The following MAX variants were observed in gnomAD, a reference collection of about 807,000 sequenced individuals.
MAX encodes the protein MYC associated transcriptional regulator X.
In MAX, 3 loss-of-function variants were observed where a neutral mutation model predicts 22.3. That is an observed-to-expected ratio of 0.13 (90% CI 0.06 to 0.35). MAX has a LOEUF of 0.35. MAX is among the 10% of genes least tolerant of loss of function. The probability of loss-of-function intolerance (pLI) is 1.00; values close to 1 mark genes in which losing one functional copy is unlikely to be tolerated. For missense variants in MAX, 119 were observed against 209.4 expected, an observed-to-expected ratio of 0.57 and a Z score of 2.66; for synonymous variants, 72 against 77.7, an observed-to-expected ratio of 0.93 and a Z score of 0.39.
Position 65,012,095 on chromosome 14 carries a change from G to A in MAX, c.172-5811C>T. 1.9e-6 allele frequency: 1 copy of A among 514,688 alleles called. No individual in the cohort carries two copies. Among genetic ancestry groups the A allele is most frequent in the East Asian group, 3.5e-5 (1 of 28,334 alleles). The allele number at this position is 514,688 out of a possible 1,614,324, so 31.9% of individuals were successfully genotyped here. The stretch of plus-strand genomic sequence containing the variant: ...GGAGACAATCGCACTCTAAATGTCA[G>A]CTGGCATGGTTTTCAGATGCTTTAG... On this transcript the variant is annotated intron_variant, in intron 3 of 3. Transcript: ENST00000341653. This position sits in a 1 kb window ranked among gnomAD's most constrained non-coding sequence, Gnocchi z 5.0.
At chr14:65,086,039 T>C (rs999135182) in intron 3 of MAX, among the ~76,000 whole-genome samples, 10 of 152,158 alleles carry the variant, frequency 6.6e-5, no homozygotes, top group African/African-American at 2.2e-4. Context: ...AGGGAATAAA[T>C]TTCGTGAGAG....
intron 3 of MAX, among the ~76,000 whole-genome samples, chr14:65,091,332 G>C (rs1459971966): frequency 1.3e-5 from 2 of 152,180 alleles, no homozygotes; most frequent in Non-Finnish European, 2.9e-5. Flanking sequence ...AAGAGGTTGA[G>C]AGCTTATAGA....
chr14:65,079,599 C>T lies in MAX; in HGVS notation c.172-1563G>A, dbSNP rs1453397946. ...TTCCAGCCAGAGACTCCTGAGCAGC[C>T]GGAAAGCTTCTTACTCAGGGTAGGG... On this transcript the variant is annotated intron_variant, in intron 3 of 4. Coordinates refer to ENST00000358664, the MANE Select transcript of MAX (RefSeq NM_002382.5). The surrounding 1 kb of genome is among the most constrained non-coding windows in gnomAD (Gnocchi z 4.5). 1.3e-5 allele frequency among the ~76,000 whole-genome samples: 2 copies of T among 152,144 alleles called. No individual in the cohort carries two copies. The highest frequency in any genetic ancestry group is 2.9e-5 in the Non-Finnish European group (2 of 68,016).
chr14:65,049,353 G>A (rs2062557599), intron 3 of MAX, among the ~76,000 whole-genome samples: 1 of 152,134 alleles, frequency 6.6e-6, no homozygotes, highest in Non-Finnish European at 1.5e-5. Context: ...GGTGTGGAAA[G>A]ACTTTTGATT....
intron 3 of MAX, among the ~76,000 whole-genome samples, chr14:65,018,202 G>T (rs1420277218): frequency 6.6e-6 from 1 of 152,010 alleles, no homozygotes; most frequent in Non-Finnish European, 1.5e-5. Context: ...ATAGCTGGGC[G>T]TGGTGGTGCA....
At position 65,076,795 on chromosome 14, in the gene MAX, G is replaced by A; in HGVS notation, c.296-132C>T. The A allele has an allele frequency of 9.8e-7, 1 of 1,020,538 alleles. No homozygotes were observed. Among genetic ancestry groups the A allele is most frequent in the Non-Finnish European group, 1.5e-6 (1 of 654,104 alleles). 63.2% of individuals were successfully genotyped at this position (1,020,538 alleles called of 1,614,324 possible). The stretch of plus-strand genomic sequence containing the variant: ...CCCCCGAGGCTCAAGATGCTCAGAA[G>A]TAGCTCCCTTCGGGTGGCTGTTCAC... On this transcript the variant is annotated intron_variant, in intron 4 of 4. Coordinates refer to ENST00000358664, the MANE Select transcript of MAX (RefSeq NM_002382.5). This position sits in a 1 kb window ranked among gnomAD's most constrained non-coding sequence, Gnocchi z 6.6.
chr14:65,068,766 C>T (rs757166607), intron 3 of MAX, among the ~76,000 whole-genome samples: 38 of 152,150 alleles, frequency 2.5e-4, no homozygotes, highest in Non-Finnish European at 5.9e-5. Context: ...TAATTGTTCA[C>T]ACTATGTAAT....
Position 65,032,780 on chromosome 14 carries a change from G to A in MAX, c.172-26496C>T. On this transcript the variant is annotated intron_variant, in intron 3 of 3. Coordinates refer to the MAX transcript ENST00000341653. This position sits in a 1 kb window ranked among gnomAD's most constrained non-coding sequence, Gnocchi z 5.0. The stretch of plus-strand genomic sequence containing the variant: ...TCAGAAAAATAAAGAAAATGCAGAG[G>A]GACTTGGAAGGAAATACAAAAATCA... 1.5e-6 allele frequency: 2 copies of A among 1,314,956 alleles called. No homozygotes were observed. The highest frequency in any genetic ancestry group is 3.8e-4 in the Middle Eastern group (2 of 5,320). 81.5% of individuals were successfully genotyped at this position (1,314,956 alleles called of 1,614,324 possible).
chr14:65,074,060 G>T (rs150788004), downstream of MAX, among the ~76,000 whole-genome samples: 3 of 152,312 alleles, frequency 2.0e-5, no homozygotes, highest in Non-Finnish European at 2.9e-5. Flanking sequence ...CCTACTGGGT[G>T]CCAGCTTCAC....
Position 65,012,185 on chromosome 14 carries a change from G to A in MAX, c.172-5901C>T. The A allele has an allele frequency of 9.2e-7, 1 of 1,085,878 alleles. No individual in the cohort carries two copies. 67.3% of individuals were successfully genotyped at this position (1,085,878 alleles called of 1,614,324 possible). On this transcript the variant is annotated intron_variant, in intron 3 of 3. Coordinates refer to the MAX transcript ENST00000341653. This position sits in a 1 kb window ranked among gnomAD's most constrained non-coding sequence, Gnocchi z 5.0. ...CTCTTTGGAACCAGAGAAGTTGCTG[G>A]TTATCCAGTCAGTGATTGCAGGGGG...
rs1276347857 is a variant in MAX, at chr14:65,093,377, T to C, written c.171+331A>G. 2 of 345,434 alleles carry C rather than the reference T, an allele frequency of 5.8e-6. No homozygotes were observed. The highest frequency in any genetic ancestry group is 1.1e-5 in the Non-Finnish European group (2 of 178,378). The allele number at this position is 345,434 out of a possible 1,614,324, so 21.4% of individuals were successfully genotyped here. On this transcript the variant is annotated intron_variant, in intron 3 of 4. Transcript: ENST00000358664. The surrounding 1 kb of genome is among the most constrained non-coding windows in gnomAD (Gnocchi z 4.4). ...TAGGGTATTAATGACCTCTGGAATCTTTACTGTTATCCCAAACGAACTCTT... is the reference window on the plus strand; with the variant it reads ...TAGGGTATTAATGACCTCTGGAATCCTTACTGTTATCCCAAACGAACTCTT...
intron 3 of MAX, chr14:65,053,293 G>A (rs771435435): frequency 3.3e-5 from 48 of 1,468,612 alleles, no homozygotes; most frequent in Non-Finnish European, 4.3e-5. Flanking sequence ...CCCTGCAGGA[G>A]TACATCCTGA....
chr14:65,039,003 C>T (rs1231577388), intron 3 of MAX, among the ~76,000 whole-genome samples: 1 of 152,106 alleles, frequency 6.6e-6, no homozygotes, highest in East Asian at 1.9e-4. Flanking sequence ...CTTTTGCTCC[C>T]TGTCTTATTT....
At chr14:65,013,073 C>A (rs563560759) in intron 3 of MAX, among the ~76,000 whole-genome samples, 30 of 152,300 alleles carry the variant, frequency 2.0e-4, no homozygotes, top group African/African-American at 6.7e-4. Context: ...AGTCTCCAGT[C>A]TTTCTGCCCT....
chr14:65,039,916 C>T (rs1009941370), intron 3 of MAX, among the ~76,000 whole-genome samples: 2 of 152,102 alleles, frequency 1.3e-5, no homozygotes, highest in East Asian at 1.9e-4. Context: ...AGGCCAAGTG[C>T]GGTGGCCCAT....
chr14:65,009,544 T>C lies in MAX; in HGVS notation c.172-3260A>G, dbSNP rs975374532. On this transcript the variant is annotated intron_variant, in intron 3 of 3. Transcript: ENST00000341653. This position sits in a 1 kb window ranked among gnomAD's most constrained non-coding sequence, Gnocchi z 4.2. Reference sequence around the variant, plus strand: ...TTTCGCTAGCTTCGTACCCATCATTTCTCGCTCAAAGAATGCAGCATCCTT... The same window carrying C: ...TTTCGCTAGCTTCGTACCCATCATTCCTCGCTCAAAGAATGCAGCATCCTT... 1.3e-4 allele frequency among the ~76,000 whole-genome samples: 20 copies of C among 152,062 alleles called. No individual in the cohort carries two copies. Among genetic ancestry groups the C allele is most frequent in the African/African-American group, 4.8e-4 (20 of 41,390 alleles).
chr14:65,075,333 C>G lies in MAX; in HGVS notation c.*1143G>C, dbSNP rs2063030272. The G allele has an allele frequency of 1.2e-5, 13 of 1,063,298 alleles. No individual in the cohort carries two copies. The highest frequency in any genetic ancestry group is 1.1e-5 in the Non-Finnish European group (10 of 877,778). 65.9% of individuals were successfully genotyped at this position (1,063,298 alleles called of 1,614,324 possible). Reference sequence around the variant, plus strand: ...GACAAAGAAATGAGGCCTAAACACACAAAACCCTTCACTGGCATCTGCTGA... The same window carrying G: ...GACAAAGAAATGAGGCCTAAACACAGAAAACCCTTCACTGGCATCTGCTGA... On this transcript the variant is annotated 3_prime_UTR_variant, in exon 5 of 5. Transcript: ENST00000358664. This position sits in a 1 kb window ranked among gnomAD's most constrained non-coding sequence, Gnocchi z 4.1.
In MAX at chr14:65,040,820, G is replaced by C. The variant is rs138149266; in HGVS notation, c.172-34536C>G. On this transcript the variant is annotated intron_variant, in intron 3 of 3. Transcript: ENST00000341653. ...AGAACTGGGAAGGTGGCATTGGCGG[G>C]GTACCAGGGATGGAAGCCCATGGTG... is the stretch of plus-strand genomic sequence containing the variant. The C allele has an allele frequency of 1.4e-4, 220 of 1,613,532 alleles. No individual in the cohort carries two copies. In the African/African-American group the frequency reaches 2.7e-3, roughly 20 times the overall value.
At chr14:65,018,674 G>T (rs2061825747) in intron 3 of MAX, among the ~76,000 whole-genome samples, 2 of 151,160 alleles carry the variant, frequency 1.3e-5, no homozygotes, top group Admixed American at 1.3e-4. Context: ...GCCTGGCTTG[G>T]TGGTGTATGC....
Sources: gnomAD v4.1 joint callset for allele counts (sites outside exome capture counted in the v4.1 genomes callset) on GRCh38, gnomAD v4.1.1 for gene constraint, Gnocchi (gnomAD v3.1) non-coding constraint, MANE v1.5 for transcripts, NCBI Gene and HGNC (gene_info 2026-07-23, HGNC 2026-07-21) for gene names.